ERBIN: variants seen among roughly 807,000 people sequenced by gnomAD.
ERBIN encodes erbb2 interacting protein.
A neutral mutation model predicts 158.4 loss-of-function variants in ERBIN; 60 were observed. That is an observed-to-expected ratio of 0.38 (90% CI 0.31 to 0.47). The LOEUF (loss-of-function observed/expected upper bound fraction) is 0.47, where lower values mean the gene tolerates loss of function less well. Among genes scored for constraint, ERBIN ranks in the 20% least tolerant of loss-of-function variants. The pLI is 0.99. For missense variants in ERBIN, 1,610 were observed against 1,648.0 expected (o/e 0.98, Z 0.40); for synonymous variants, 594 against 557.2 (o/e 1.07, Z -0.93).
chr5:66,048,838 T>C, intron 19 of ERBIN, 57 bp downstream of exon 19: 1 of 1,046,766 alleles, frequency 9.6e-7, no homozygotes, highest in Middle Eastern at 2.2e-4. Context: ...ATTTATAAAT[T>C]TTTTTGAAAT....
At chr5:65,930,485 T>G (rs1743232312) in intron 1 of ERBIN, among the ~76,000 whole-genome samples, 1 of 152,316 alleles carries the variant, frequency 6.6e-6, no homozygotes, top group Admixed American at 6.5e-5. Flanking sequence ...TTTTTTTGTA[T>G]TTTTAGTAGA....
chr5:66,076,364 G>A lies in ERBIN; in HGVS notation c.4012G>A (p.Gly1338Ser). Residue 1338 changes from glycine (G) to serine (S), a missense_variant, in exon 24 of 26, where the codon GGT (glycine) becomes AGT (serine). Around this residue, in one of 2 missense-constraint regions of ERBIN, gnomAD observed 1,014 missense variants for 936.1 expected, o/e 1.08. Coordinates refer to ENST00000284037, the MANE Select transcript of ERBIN (RefSeq NM_001253697.2). ...KDPELGFSIS[G>S]GVGGRGNPFR... ...TCCAGAACTTGGATTTAGCATATCAGGTGGTGTCGGGGGTAGAGGAAACCC... is the reference window on the plus strand; with the variant it reads ...TCCAGAACTTGGATTTAGCATATCAAGTGGTGTCGGGGGTAGAGGAAACCC... The A allele has an allele frequency of 6.2e-7, 1 of 1,613,628 alleles. No homozygotes were observed. The highest frequency in any genetic ancestry group is 8.5e-7 in the Non-Finnish European group (1 of 1,179,818).
chr5:66,040,703 G>A (rs554766772), intron 15 of ERBIN, among the ~76,000 whole-genome samples: 1 of 151,794 alleles, frequency 6.6e-6, no homozygotes, highest in South Asian at 2.1e-4. Context: ...TTTGGGTTTG[G>A]GTTTTATACC....
At chr5:65,989,261 C>A (rs1273656001) in intron 2 of ERBIN, among the ~76,000 whole-genome samples, 1 of 152,168 alleles carries the variant, frequency 6.6e-6, no homozygotes, top group Admixed American at 6.5e-5. Flanking sequence ...ACTTCTCTTT[C>A]GTATGTTACT....
Position 66,029,824 on chromosome 5 carries a change from C to T in ERBIN, c.1206+1481C>T, listed in dbSNP as rs114612060. Among the ~76,000 whole-genome samples the T allele has an allele frequency of 6.3e-3, 965 of 152,230 alleles. 16 individuals are homozygous for T. The highest frequency in any genetic ancestry group is 0.022 in the African/African-American group (925 of 41,540). On this transcript the variant is annotated intron_variant, in intron 14 of 25. Transcript: ENST00000284037. Reference sequence around the variant, plus strand: ...CAGGATGGTCTCGATCTCTTGACCTCATGATCCGCTTGTGTTGGCCTCCCA... The same window carrying T: ...CAGGATGGTCTCGATCTCTTGACCTTATGATCCGCTTGTGTTGGCCTCCCA...
chr5:65,958,203 C>G (rs1747469856), intron 1 of ERBIN, among the ~76,000 whole-genome samples: 1 of 152,266 alleles, frequency 6.6e-6, no homozygotes, highest in East Asian at 1.9e-4. Context: ...ACGCTCCTCA[C>G]TTCCCAGATG....
chr5:66,059,311 A>T (rs1317739608), intron 21 of ERBIN, among the ~76,000 whole-genome samples: 2 of 152,042 alleles, frequency 1.3e-5, no homozygotes, highest in Admixed American at 1.3e-4. Flanking sequence ...TGTGAATGGG[A>T]GTTCACTCAT....
chr5:66,046,352 G>A lies in ERBIN; in HGVS notation c.1603-1G>A. 1 of 1,477,770 alleles carries A rather than the reference G, an allele frequency of 6.8e-7. No homozygotes were observed. Among genetic ancestry groups the A allele is most frequent in the South Asian group, 1.4e-5 (1 of 72,174 alleles). The allele number at this position is 1,477,770 out of a possible 1,614,324, so 91.5% of individuals were successfully genotyped here. On this transcript the variant is annotated splice_acceptor_variant, in intron 17 of 25. Coordinates refer to ENST00000284037, the MANE Select transcript of ERBIN (RefSeq NM_001253697.2). LOFTEE classifies it high-confidence loss of function. ...AGCTCTTTATCTTTTCTTTTACTTA[G>A]ACCTCAGAAAGTACTACTACAGTAA... is the stretch of plus-strand genomic sequence containing the variant.
In ERBIN at chr5:66,052,214, AGATC is replaced by A. The variant is rs1187875943; in HGVS notation, c.2088-1190_2088-1187del. 7.9e-5 allele frequency among the ~76,000 whole-genome samples: 12 copies of A among 151,756 alleles called. No individual in the cohort carries two copies. In the South Asian group the frequency reaches 1.7e-3, roughly 21 times the overall value. On this transcript the variant is annotated intron_variant, in intron 20 of 25. Coordinates refer to ENST00000284037, the MANE Select transcript of ERBIN (RefSeq NM_001253697.2). ...CCCGGTCTCAAAAAAAAAAAAAAAA[AGATC>A]GGGGTTACTACTAAACCAAAAGTTT...
At chr5:65,993,234 G>C (rs1389813957) in intron 3 of ERBIN, among the ~76,000 whole-genome samples, 2 of 152,112 alleles carry the variant, frequency 1.3e-5, no homozygotes, top group Admixed American at 1.3e-4. Context: ...TGAAATTAAT[G>C]CTGTCTTTTC....
At chr5:65,994,598 A>G in intron 3 of ERBIN, 149 bp from the exon 4 acceptor site, 1 of 539,592 alleles carries the variant, frequency 1.9e-6, no homozygotes, top group Non-Finnish European at 3.3e-6. Context: ...TCATATCCAT[A>G]ATAGCATAAC....
intron 1 of ERBIN, among the ~76,000 whole-genome samples, chr5:65,981,778 GCTT>G (rs1175937684): frequency 6.6e-6 from 1 of 152,104 alleles, no homozygotes; most frequent in African/African-American, 2.4e-5. Context: ...TTTATCTCAG[GCTT>G]CTTTGTGGCA....
At chr5:65,967,854 C>G (rs759655363) in intron 1 of ERBIN, among the ~76,000 whole-genome samples, 1 of 152,096 alleles carries the variant, frequency 6.6e-6, no homozygotes, top group Non-Finnish European at 1.5e-5. Flanking sequence ...CAAATTCTTA[C>G]GTGGTTGCAG....
intron 21 of ERBIN, among the ~76,000 whole-genome samples, chr5:66,067,271 C>A (rs1476510449): frequency 6.6e-6 from 1 of 152,080 alleles, no homozygotes; most frequent in Non-Finnish European, 1.5e-5. Flanking sequence ...TTTTATAGAT[C>A]TTTTTCTTTA....
chr5:66,018,515 A>ATATAT (rs1228728104), intron 7 of ERBIN, among the ~76,000 whole-genome samples: 1 of 8,038 alleles, frequency 1.2e-4, no homozygotes, highest in Non-Finnish European at 2.3e-4. Context: ...ATTATATATT[A>ATATAT]TATAATATAT....
At chr5:66,025,815 C>A (rs1443500492) in intron 11 of ERBIN, 33 bp from the exon 12 acceptor site, 1 of 1,311,136 alleles carries the variant, frequency 7.6e-7, no homozygotes, top group East Asian at 2.7e-5. Context: ...AAATCTTTAA[C>A]AAATAATATA....
At chr5:65,966,209 A>G (rs1192688698) in intron 1 of ERBIN, among the ~76,000 whole-genome samples, 1 of 152,212 alleles carries the variant, frequency 6.6e-6, no homozygotes, top group Non-Finnish European at 1.5e-5. Flanking sequence ...AGTGTATTAC[A>G]TGACTCATGG....
chr5:66,067,070 T>TTATG (rs981298455), intron 21 of ERBIN, among the ~76,000 whole-genome samples: 3 of 152,208 alleles, frequency 2.0e-5, no homozygotes, highest in South Asian at 2.1e-4. Flanking sequence ...TGTCTGTTAT[T>TTATG]TATGTATGTA....
At chr5:65,936,750 T>C (rs1051768129) in intron 1 of ERBIN, among the ~76,000 whole-genome samples, 10 of 152,178 alleles carry the variant, frequency 6.6e-5, no homozygotes, top group African/African-American at 1.9e-4. Context: ...ATAAAAATAA[T>C]CTTGCTGTAA....
Sources: allele counts gnomAD v4.1 joint callset (sites outside exome capture counted in the v4.1 genomes callset), GRCh38; gene constraint gnomAD v4.1.1; regional missense constraint gnomAD v4.1.1; transcripts MANE v1.5; gene names NCBI Gene and HGNC (gene_info 2026-07-23, HGNC 2026-07-21).